The following CPA6 variants were observed in gnomAD, a reference collection of about 807,000 sequenced individuals.
The protein encoded by CPA6 is carboxypeptidase A6.
A neutral mutation model predicts 63.3 loss-of-function variants in CPA6; 58 were observed. The ratio of observed to expected loss-of-function variants is 0.92; its 90% CI spans 0.74 to 1.14. The LOEUF (loss-of-function observed/expected upper bound fraction) is 1.14, where lower values mean the gene tolerates loss of function less well. Among genes scored for constraint, CPA6 ranks in the 50% most tolerant of loss-of-function variants. The pLI is 0.00. For missense variants in CPA6, 565 were observed against 526.6 expected (o/e 1.07, Z -0.71); for synonymous variants, 185 against 179.0 (o/e 1.03, Z -0.27).
intron 2 of CPA6, among the ~76,000 whole-genome samples, chr8:67,607,160 T>TCCCCC (rs1814668190): frequency 1.5e-5 from 1 of 68,034 alleles, no homozygotes; most frequent in Admixed American, 1.6e-4. Flanking sequence ...CCTCCTCTTC[T>TCCCCC]TCTTCTTCCT....
chr8:67,457,032 C>T (rs535691442), intron 8 of CPA6, among the ~76,000 whole-genome samples: 5 of 152,330 alleles, frequency 3.3e-5, no homozygotes, highest in East Asian at 1.9e-4. Flanking sequence ...GGCCTTGCCA[C>T]GCCTTCAGCC....
chr8:67,467,084 G>A (rs1188581957), intron 8 of CPA6, among the ~76,000 whole-genome samples: 2 of 152,066 alleles, frequency 1.3e-5, no homozygotes, highest in Non-Finnish European at 2.9e-5. Context: ...ACATTGCCTT[G>A]TTCAACATTT....
At chr8:67,646,609 G>A (rs192913803) in intron 1 of CPA6, among the ~76,000 whole-genome samples, 170 of 152,318 alleles carry the variant, frequency 1.1e-3, no homozygotes, top group South Asian at 2.7e-3. Context: ...ATCATTTTAG[G>A]TAGTGATGAG....
intron 4 of CPA6, 38 bp from the exon 5 acceptor site, chr8:67,509,656 C>G: frequency 9.8e-7 from 1 of 1,019,146 alleles, no homozygotes; most frequent in Non-Finnish European, 1.5e-6. Context: ...TAGACTCTCT[C>G]AAAATAATGG....
At chr8:67,591,493 T>C (rs899361374) in intron 2 of CPA6, among the ~76,000 whole-genome samples, 96 of 152,216 alleles carry the variant, frequency 6.3e-4, no homozygotes, top group Non-Finnish European at 1.1e-3. Context: ...GCCATTTTCA[T>C]GATATTGATT....
chr8:67,565,061 A>G (rs910422136), intron 2 of CPA6, among the ~76,000 whole-genome samples: 2 of 152,330 alleles, frequency 1.3e-5, no homozygotes, highest in South Asian at 4.1e-4. Flanking sequence ...AGAGATGGCT[A>G]TCTAAATCAG....
At chr8:67,579,185 C>A (rs932743128) in intron 2 of CPA6, among the ~76,000 whole-genome samples, 18 of 152,092 alleles carry the variant, frequency 1.2e-4, no homozygotes, top group Admixed American at 6.5e-5. Context: ...TCGAAGTAGG[C>A]GGATCACCTG....
Position 67,521,383 on chromosome 8 carries a change from T to A in CPA6, c.193-3336A>T, listed in dbSNP as rs1175209434. ...CTATTTGACTTTGGGGAGGTTAACA[T>A]TTTAACATTTCTGAGCCTCAGTATC... On this transcript the variant is annotated intron_variant, in intron 2 of 10. Transcript: ENST00000297770. Among the ~76,000 whole-genome samples, 7 of 152,252 alleles carry A rather than the reference T, an allele frequency of 4.6e-5. No homozygotes were observed. The East Asian group carries it at 1.3e-3, about 29-fold the overall frequency.
At chr8:67,562,012 G>A (rs962656367) in intron 2 of CPA6, among the ~76,000 whole-genome samples, 5 of 152,196 alleles carry the variant, frequency 3.3e-5, no homozygotes, top group African/African-American at 1.2e-4. Flanking sequence ...ATGGAAGGAC[G>A]TGAGCCCATG....
chr8:67,569,184 T>C (rs1299808452), intron 2 of CPA6, among the ~76,000 whole-genome samples: 2 of 152,072 alleles, frequency 1.3e-5, no homozygotes, highest in Non-Finnish European at 2.9e-5. Flanking sequence ...TATATAATAA[T>C]CAAACTGTCA....
chr8:67,520,083 C>G (rs1180157395), intron 2 of CPA6, among the ~76,000 whole-genome samples: 1 of 152,110 alleles, frequency 6.6e-6, no homozygotes, highest in Non-Finnish European at 1.5e-5. Flanking sequence ...TGCCTCTAAA[C>G]CCATTACAGA....
At chr8:67,517,683 C>T (rs10957389) in intron 3 of CPA6, among the ~76,000 whole-genome samples, 23,033 of 152,118 alleles carry the variant, frequency 0.15, 4,880 homozygotes, top group African/African-American at 0.48. Context: ...AAAGGTCTAT[C>T]TTTTCACTGA....
intron 1 of CPA6, among the ~76,000 whole-genome samples, chr8:67,709,869 G>A (rs1267917563): frequency 1.3e-5 from 2 of 152,118 alleles, no homozygotes; most frequent in African/African-American, 4.8e-5. Context: ...CTAGCACTTT[G>A]GGAGGCTGAG....
intron 2 of CPA6, among the ~76,000 whole-genome samples, chr8:67,566,938 G>A (rs1356626109): frequency 6.6e-6 from 1 of 152,204 alleles, no homozygotes; most frequent in Non-Finnish European, 1.5e-5. Flanking sequence ...GTGAAAGGTG[G>A]CCACTCTTTA....
chr8:67,506,906 C>G lies in CPA6; in HGVS notation c.535-18G>C, dbSNP rs1811941460. 7.1e-6 allele frequency: 11 copies of G among 1,556,432 alleles called. No homozygotes were observed. The highest frequency in any genetic ancestry group is 9.8e-6 in the Non-Finnish European group (11 of 1,127,766). On this transcript the variant is annotated intron_variant, in intron 5 of 10. Transcript: ENST00000297770. ...CTGCCCAGCTGAAAACAAGAGCATT[C>G]ACAGTAACCAACTCAGGCTTTTAGA...
intron 1 of CPA6, among the ~76,000 whole-genome samples, chr8:67,707,718 C>T (rs929269923): frequency 3.3e-5 from 5 of 152,076 alleles, no homozygotes; most frequent in Non-Finnish European, 7.4e-5. Flanking sequence ...ACCAGCCTGG[C>T]CAACATGGTG....
intron 2 of CPA6, among the ~76,000 whole-genome samples, chr8:67,610,258 A>G: frequency 6.6e-6 from 1 of 152,170 alleles, no homozygotes; most frequent in Non-Finnish European, 1.5e-5. Context: ...ATGCCCCTGT[A>G]GTTCCAGCTA....
chr8:67,430,131 A>ATGTGTG (rs58059553), intron 9 of CPA6, among the ~76,000 whole-genome samples: 1,998 of 128,634 alleles, frequency 0.016, 26 homozygotes, highest in East Asian at 0.026. Context: ...GTATATATAT[A>ATGTGTG]TGTGTGTGTG....
At chr8:67,449,811 T>TC (rs1810514593) in intron 8 of CPA6, among the ~76,000 whole-genome samples, 1 of 50,672 alleles carries the variant, frequency 2.0e-5, no homozygotes, top group African/African-American at 1.0e-4. Flanking sequence ...AAGCCATCTC[T>TC]TTTTTTTTTT....
Sources: gnomAD v4.1 joint callset for allele counts (sites outside exome capture counted in the v4.1 genomes callset) on GRCh38, gnomAD v4.1.1 for gene constraint, MANE v1.5 for transcripts, NCBI Gene and HGNC (gene_info 2026-07-23, HGNC 2026-07-21) for gene names.